Variants in SASH1 observed in about 807,000 individuals in gnomAD.
SASH1 encodes the protein SAM and SH3 domain containing 1, also known as SAM and SH3 domain-containing protein 1.
SASH1 carries 44 observed loss-of-function variants against 125.2 expected under a neutral mutation model. The ratio of observed to expected loss-of-function variants is 0.35; its 90% CI spans 0.28 to 0.45. The LOEUF (loss-of-function observed/expected upper bound fraction) is 0.45. SASH1 is among the 20% of genes least tolerant of loss of function. The pLI is 1.00. For missense variants in SASH1, 1,426 were observed against 1,614.5 expected, an observed-to-expected ratio of 0.88 and a Z score of 2.00; for synonymous variants, 639 against 649.1, an observed-to-expected ratio of 0.98 and a Z score of 0.24.
At chr6:148,468,448 A>G in intron 4 of SASH1, 97 bp from the exon 5 acceptor site, 1 of 863,422 alleles carries the variant, frequency 1.2e-6, no homozygotes, top group Non-Finnish European at 1.9e-6. Context: ...TGGCTGTATT[A>G]AGTAGTATTG....
At chr6:148,343,489 T>A (rs1367939127) in intron 1 of SASH1, among the ~76,000 whole-genome samples, 1 of 152,148 alleles carries the variant, frequency 6.6e-6, no homozygotes, top group Non-Finnish European at 1.5e-5. Flanking sequence ...CCTGCTGACA[T>A]GTTGGTGTGG....
At chr6:148,326,278 T>C (rs1246124687) in intron 1 of SASH1, among the ~76,000 whole-genome samples, 2 of 116,292 alleles carry the variant, frequency 1.7e-5, no homozygotes, top group Non-Finnish European at 3.4e-5. Context: ...TCCACTTGCC[T>C]CAGCCTCCCA....
At chr6:148,505,165 C>T (rs536016675) in intron 8 of SASH1, among the ~76,000 whole-genome samples, 42 of 152,280 alleles carry the variant, frequency 2.8e-4, no homozygotes, top group African/African-American at 9.9e-4. Context: ...AGAAACATGC[C>T]CACAGCCACA....
intron 1 of SASH1, among the ~76,000 whole-genome samples, chr6:148,289,861 G>GTTTTTTTTTTTT (rs144013796): frequency 2.3e-5 from 2 of 85,894 alleles, no homozygotes; most frequent in African/African-American, 4.5e-5. Context: ...TTTTGGTTGT[G>GTTTTTTTTTTTT]TTTTTTTTTT....
intron 8 of SASH1, among the ~76,000 whole-genome samples, chr6:148,497,278 G>A (rs886167854): frequency 6.6e-6 from 1 of 152,202 alleles, no homozygotes; most frequent in Non-Finnish European, 1.5e-5. Context: ...GTGGCTTCTT[G>A]TCACTTCTTC....
chr6:148,465,317 C>T lies in SASH1; in HGVS notation c.387-3228C>T, dbSNP rs192151957. On this transcript the variant is annotated intron_variant, in intron 4 of 19. Transcript: ENST00000367467. ...CTGCAATCCCAGCACTTTGGGAGGC[C>T]GAGGCGGGCAAATCACCTGAGGTCA... is the stretch of plus-strand genomic sequence containing the variant. Among the ~76,000 whole-genome samples, 1,274 of 151,942 alleles carry T rather than the reference C, an allele frequency of 8.4e-3. 16 individuals carry two copies. Among genetic ancestry groups the T allele is most frequent in the African/African-American group, 0.029 (1,187 of 41,444 alleles).
At chr6:148,437,333 G>C (rs1375663910) in intron 2 of SASH1, among the ~76,000 whole-genome samples, 1 of 152,104 alleles carries the variant, frequency 6.6e-6, no homozygotes, top group East Asian at 1.9e-4. Flanking sequence ...AATGATGACT[G>C]TAATCTCTTA....
chr6:148,229,161 T>G, the SASH1 span, among the ~76,000 whole-genome samples: 2 of 127,802 alleles, frequency 1.6e-5, no homozygotes, highest in Non-Finnish European at 3.2e-5. Flanking sequence ...AAAAAAACAC[T>G]TAACTGGCTA....
At chr6:148,508,978 T>C in intron 8 of SASH1, 1 of 574,086 alleles carries the variant, frequency 1.7e-6, no homozygotes, top group South Asian at 1.5e-5. Flanking sequence ...CTCTCTCTTT[T>C]CTTCTTAAAT....
chr6:148,410,165 C>T (rs1283469686), intron 2 of SASH1, among the ~76,000 whole-genome samples: 3 of 115,116 alleles, frequency 2.6e-5, no homozygotes, highest in Non-Finnish European at 4.9e-5. Context: ...GGCTGGAGTG[C>T]AGTGGCGCGA....
the SASH1 span, among the ~76,000 whole-genome samples, chr6:148,240,964 AGTC>A: frequency 6.6e-6 from 1 of 152,120 alleles, no homozygotes; most frequent in Non-Finnish European, 1.5e-5. Flanking sequence ...TTGCCTGCAT[AGTC>A]ACCATTTTTT....
chr6:148,520,086 C>T, intron 10 of SASH1, 193 bp downstream of exon 10: 1 of 572,728 alleles, frequency 1.7e-6, no homozygotes, highest in Non-Finnish European at 3.1e-6. Context: ...CTGTGACCTG[C>T]AGCTGCTCCG....
At chr6:148,217,916 G>A in the SASH1 span, among the ~76,000 whole-genome samples, 2 of 151,458 alleles carry the variant, frequency 1.3e-5, no homozygotes, top group Admixed American at 6.6e-5. Flanking sequence ...TGGAGAGGCT[G>A]AGGCAGGAGG....
At chr6:148,238,557 T>C in the SASH1 span, among the ~76,000 whole-genome samples, 3 of 151,988 alleles carry the variant, frequency 2.0e-5, no homozygotes, top group Non-Finnish European at 2.9e-5. Context: ...TATGAAGTTT[T>C]CCACACATTT....
At chr6:148,433,692 C>A (rs1361216163) in intron 2 of SASH1, among the ~76,000 whole-genome samples, 1 of 152,070 alleles carries the variant, frequency 6.6e-6, no homozygotes, top group African/African-American at 2.4e-5. Flanking sequence ...CATGCCCGGC[C>A]TGTTTTAACA....
chr6:148,421,193 G>GAAAGAAAGAAAGAAAGAA (rs1785078069), intron 2 of SASH1, among the ~76,000 whole-genome samples: 2 of 142,542 alleles, frequency 1.4e-5, no homozygotes, highest in African/African-American at 5.2e-5. Flanking sequence ...AAGAAAGAAA[G>GAAAGAAAGAAAGAAAGAA]AAAGAAAGAA....
chr6:148,459,407 A>C lies in SASH1; in HGVS notation c.387-9138A>C, dbSNP rs143379568. 2.0e-5 allele frequency among the ~76,000 whole-genome samples: 3 copies of C among 152,296 alleles called. No individual in the cohort carries two copies. In the East Asian group the frequency reaches 5.8e-4, roughly 29 times the overall value. ...ACCAGACCATGGGCCTCCCCTGTGG[A>C]GAGATGGCATTTGGCTGCTTTTCAG... On this transcript the variant is annotated intron_variant, in intron 4 of 19. Transcript: ENST00000367467.
intron 2 of SASH1, among the ~76,000 whole-genome samples, chr6:148,421,235 T>A (rs993755669): frequency 6.7e-6 from 1 of 149,144 alleles, no homozygotes; most frequent in African/African-American, 2.5e-5. Context: ...AAGAAGGAAG[T>A]GACTATGAAC....
intron 1 of SASH1, among the ~76,000 whole-genome samples, chr6:148,275,540 C>T (rs958137406): frequency 5.3e-5 from 8 of 152,190 alleles, no homozygotes; most frequent in Non-Finnish European, 8.8e-5. Flanking sequence ...ACTCCCTTGG[C>T]CACAAACCCC....
Sources: gnomAD v4.1 joint callset for allele counts (sites outside exome capture counted in the v4.1 genomes callset) on GRCh38, gnomAD v4.1.1 for gene constraint, MANE v1.5 for transcripts, NCBI Gene and HGNC (gene_info 2026-07-23, HGNC 2026-07-21) for gene names.